MARCHF8: variants seen among roughly 807,000 people sequenced by gnomAD.
MARCHF8 encodes the protein E3 ubiquitin-protein ligase MARCHF8.
Under a neutral mutation model 51.6 loss-of-function variants are expected in MARCHF8, and 40 were observed. That is an observed-to-expected ratio of 0.77 (90% confidence interval 0.60 to 1.01). The LOEUF (loss-of-function observed/expected upper bound fraction) is 1.01, where lower values mean the gene tolerates loss of function less well. Among genes scored for constraint, MARCHF8 ranks in the 50% least tolerant of loss-of-function variants. MARCHF8 has a pLI of 0.00. For missense variants in MARCHF8, 685 were observed against 708.6 expected (o/e 0.97, Z 0.38); for synonymous variants, 263 against 280.3 (o/e 0.94, Z 0.62).
intron 1 of MARCHF8, among the ~76,000 whole-genome samples, chr10:45,589,480 G>A (rs1003367786): frequency 1.3e-5 from 2 of 152,156 alleles, no homozygotes; most frequent in East Asian, 3.9e-4. Flanking sequence ...GCACAGAACT[G>A]TACAACCATC....
intron 2 of MARCHF8, among the ~76,000 whole-genome samples, chr10:45,526,417 C>T (rs1443333378): frequency 1.3e-5 from 2 of 152,142 alleles, no homozygotes; most frequent in African/African-American, 4.8e-5. Flanking sequence ...CCTTGACCCT[C>T]GCAGGTCTCC....
chr10:45,573,990 G>C (rs1293623503), intron 1 of MARCHF8, among the ~76,000 whole-genome samples: 1 of 152,052 alleles, frequency 6.6e-6, no homozygotes, highest in African/African-American at 2.4e-5. Context: ...TAAATTATTT[G>C]CTTCCCTGAC....
chr10:45,486,520 C>T (rs911350269), intron 3 of MARCHF8, among the ~76,000 whole-genome samples: 2 of 152,106 alleles, frequency 1.3e-5, no homozygotes, highest in African/African-American at 4.8e-5. Context: ...GCCAAGATTG[C>T]ACCACGGCAC....
At chr10:45,542,435 T>C (rs899365690) in intron 1 of MARCHF8, among the ~76,000 whole-genome samples, 1 of 149,706 alleles carries the variant, frequency 6.7e-6, no homozygotes, top group African/African-American at 2.5e-5. Flanking sequence ...TTCAAAACTA[T>C]ACTTATGCTA....
At chr10:45,560,042 G>A (rs955364818) in intron 1 of MARCHF8, among the ~76,000 whole-genome samples, 1 of 152,096 alleles carries the variant, frequency 6.6e-6, no homozygotes, top group African/African-American at 2.4e-5. Context: ...GCTGGGAAGA[G>A]GCTAATTAGG....
At chr10:45,478,517 T>A in intron 3 of MARCHF8, among the ~76,000 whole-genome samples, 1 of 133,110 alleles carries the variant, frequency 7.5e-6, no homozygotes. Context: ...CCAAAATTAG[T>A]AAAAGAAAAG....
At chr10:45,558,286 C>T (rs887618178) in intron 1 of MARCHF8, among the ~76,000 whole-genome samples, 12 of 152,088 alleles carry the variant, frequency 7.9e-5, no homozygotes, top group Admixed American at 5.2e-4. Flanking sequence ...TCTTGGGGAA[C>T]GGACATTCAT....
chr10:45,489,455 T>C, intron 2 of MARCHF8, 38 bp from the exon 3 acceptor site: 2 of 1,546,942 alleles, frequency 1.3e-6, no homozygotes, highest in Non-Finnish European at 1.8e-6. Flanking sequence ...TATCAATCTT[T>C]GATTAAAATA....
At chr10:45,549,319 T>C (rs985289108) in intron 1 of MARCHF8, among the ~76,000 whole-genome samples, 1 of 152,232 alleles carries the variant, frequency 6.6e-6, no homozygotes. Context: ...CTTTGTTGCT[T>C]GAACAGCCAT....
Position 45,463,565 on chromosome 10 carries a change from C to G in MARCHF8, c.674G>C (p.Arg225Pro). ...AGCTTCCACCTCTGAGGCAGTTGAG[C>G]GACCGGCAGAAAGGCATGAAACACA... ...HSCVSCLSAG[R>P]STASEVEAGK... Residue 225 changes from arginine (R) to proline (P), a missense_variant, in exon 5 of 8, where the codon CGC (arginine) becomes CCC (proline). Physicochemically the swap from Arg to Pro is moderately radical, Grantham distance 103. Coordinates refer to ENST00000453424, the MANE Select transcript of MARCHF8 (RefSeq NM_001282866.2). 1 of 1,550,632 alleles carries G rather than the reference C, an allele frequency of 6.4e-7. No individual in the cohort carries two copies. The highest frequency in any genetic ancestry group is 1.2e-5 in the South Asian group (1 of 84,058).
chr10:45,493,511 G>A (rs1030636201), intron 2 of MARCHF8, among the ~76,000 whole-genome samples: 1 of 152,110 alleles, frequency 6.6e-6, no homozygotes, highest in African/African-American at 2.4e-5. Context: ...CATTCAACAT[G>A]AGAGCTCCTC....
chr10:45,466,559 A>C (rs1842975866), intron 3 of MARCHF8, among the ~76,000 whole-genome samples: 1 of 152,096 alleles, frequency 6.6e-6, no homozygotes, highest in Non-Finnish European at 1.5e-5. Flanking sequence ...GCATTGAAGG[A>C]AGCCCCCTTC....
At chr10:45,489,281 A>T in intron 3 of MARCHF8, 86 bp downstream of exon 3, 1 of 1,078,524 alleles carries the variant, frequency 9.3e-7, no homozygotes, top group Non-Finnish European at 1.4e-6. Context: ...TCTTTTCAAA[A>T]AAAAAAAAAA....
chr10:45,576,849 C>T (rs560694113), intron 1 of MARCHF8, among the ~76,000 whole-genome samples: 9 of 150,850 alleles, frequency 6.0e-5, no homozygotes, highest in Admixed American at 5.9e-4. Flanking sequence ...CCCAGCTACG[C>T]ACGAAGCTAA....
At position 45,463,249 on chromosome 10, in the gene MARCHF8, G is replaced by T; in HGVS notation, c.990C>A (p.Leu330=). Residue 330 remains leucine, a synonymous_variant, in exon 5 of 8, where the codon CTC becomes CTA. Coordinates refer to ENST00000453424, the MANE Select transcript of MARCHF8 (RefSeq NM_001282866.2). ...KLKSRVLRAP[L]CSTEKDSDLD... is the part of the protein sequence containing the mutation. ...GGTCGCTGTCCTTTTCCGTGGAGCA[G>T]AGGGGCGCCCGCAGAACCCTACTCT... is the stretch of plus-strand genomic sequence containing the variant. 3 of 1,550,900 alleles carry T rather than the reference G, an allele frequency of 1.9e-6. No homozygotes were observed. The South Asian group carries it at 3.6e-5, about 18-fold the overall frequency.
intron 2 of MARCHF8, among the ~76,000 whole-genome samples, chr10:45,529,112 A>C (rs2043837373): frequency 6.6e-6 from 1 of 152,244 alleles, no homozygotes; most frequent in Non-Finnish European, 1.5e-5. Flanking sequence ...AAAAAGAGAC[A>C]CACAGGTCAA....
chr10:45,511,219 T>A (rs1172370806), intron 2 of MARCHF8, among the ~76,000 whole-genome samples: 2 of 152,222 alleles, frequency 1.3e-5, no homozygotes, highest in East Asian at 3.8e-4. Flanking sequence ...GCTGACTTTT[T>A]AAAAATCTTA....
At chr10:45,481,403 G>A (rs34285816) in intron 3 of MARCHF8, among the ~76,000 whole-genome samples, 9,482 of 152,200 alleles carry the variant, frequency 0.062, 339 homozygotes, top group Non-Finnish European at 0.067. Context: ...GGGAGGGGCC[G>A]AGGGCGGAAT....
intron 1 of MARCHF8, among the ~76,000 whole-genome samples, chr10:45,567,438 A>G (rs1285889596): frequency 6.6e-6 from 1 of 152,184 alleles, no homozygotes; most frequent in Non-Finnish European, 1.5e-5. Context: ...TTAACCCATT[A>G]TGATTTGATT....
Sources: gnomAD v4.1 joint callset for allele counts (sites outside exome capture counted in the v4.1 genomes callset) on GRCh38, gnomAD v4.1.1 for gene constraint, MANE v1.5 for transcripts, NCBI Gene and HGNC (gene_info 2026-07-23, HGNC 2026-07-21) for gene names.